Variants in FRYL observed in about 807,000 individuals in gnomAD.
FRYL encodes the protein FRY like transcription coactivator, also known as protein furry homolog-like.
FRYL carries 150 observed loss-of-function variants against 351.2 expected under a neutral mutation model. The ratio of observed to expected loss-of-function variants is 0.43; its 90% CI spans 0.37 to 0.49. The LOEUF is 0.49. Among genes scored for constraint, FRYL ranks in the 20% least tolerant of loss-of-function variants. The probability of loss-of-function intolerance (pLI) is 0.00; values close to 1 mark genes in which losing one functional copy is unlikely to be tolerated. For missense variants in FRYL, 3,036 were observed against 3,619.3 expected (o/e 0.84, Z 4.13); for synonymous variants, 1,153 against 1,257.1 (o/e 0.92, Z 1.75).
intron 5 of FRYL, among the ~76,000 whole-genome samples, chr4:48,622,680 T>C (rs567666489): frequency 1.3e-5 from 2 of 152,304 alleles, no homozygotes; most frequent in East Asian, 1.9e-4. Flanking sequence ...TAAATACTTA[T>C]AACAAAATTG....
Position 48,527,869 on chromosome 4 carries a change from G to A in FRYL, c.7140+102C>T, listed in dbSNP as rs944596292. The A allele has an allele frequency of 3.5e-5, 37 of 1,051,064 alleles. No homozygotes were observed. The Admixed American group carries it at 3.7e-4, about 10-fold the overall frequency. The allele number at this position is 1,051,064 out of a possible 1,614,324, so 65.1% of individuals were successfully genotyped here. ...CTTTTTTTCATTCTGAGTTAATACC[G>A]TAAGTAAGGTAAATTAGAAAAGGCA... On this transcript the variant is annotated intron_variant, in intron 52 of 63. Transcript: ENST00000358350.
At chr4:48,779,302 G>A (rs1776371340) in intron 1 of FRYL, among the ~76,000 whole-genome samples, 1 of 152,204 alleles carries the variant, frequency 6.6e-6, no homozygotes, top group Admixed American at 6.5e-5. Context: ...AGAGCAGCAG[G>A]CAATCTACAG....
intron 4 of FRYL, among the ~76,000 whole-genome samples, chr4:48,624,731 G>A (rs1751420161): frequency 2.0e-5 from 3 of 152,184 alleles, no homozygotes; most frequent in African/African-American, 7.2e-5. Flanking sequence ...ACATTATTCT[G>A]GATGTGTCTG....
intron 1 of FRYL, among the ~76,000 whole-genome samples, chr4:48,723,140 T>G (rs1267450277): frequency 1.3e-5 from 2 of 152,092 alleles, no homozygotes; most frequent in Non-Finnish European, 2.9e-5. Flanking sequence ...GGTTTTTTTT[T>G]GTTTGTTTTG....
At chr4:48,522,880 T>A (rs766079899) in intron 54 of FRYL, 21 bp downstream of exon 54, 45 of 1,587,958 alleles carry the variant, frequency 2.8e-5, no homozygotes, top group Non-Finnish European at 3.7e-5. Context: ...AATGTCACTG[T>A]AAGAAAAGTG....
In FRYL at chr4:48,540,057, T is replaced by C; in HGVS notation, c.6307A>G (p.Asn2103Asp). 1 of 1,612,150 alleles carries C rather than the reference T, an allele frequency of 6.2e-7. No homozygotes were observed. Among genetic ancestry groups the C allele is most frequent in the Non-Finnish European group, 8.5e-7 (1 of 1,179,126 alleles). Residue 2103 changes from asparagine to aspartate, a missense_variant, in exon 47 of 64, where the codon AAC becomes GAC. Around this residue, in one of 7 missense-constraint regions of FRYL, gnomAD observed 1,987 missense variants for 2,311.7 expected, o/e 0.86. Transcript: ENST00000358350. Reference sequence around the variant, plus strand: ...AAGTGAGGCAATAAGCAAAGGATGTTAAGAGGAAAGCCTATCAAAACAAAA... The same window carrying C: ...AAGTGAGGCAATAAGCAAAGGATGTCAAGAGGAAAGCCTATCAAAACAAAA... ...DPSQLSGFPL[N>D]ILCLLPHLIQ... is the part of the protein sequence containing the mutation.
rs539709310 is a variant in FRYL at position 48,667,738 on chromosome 4, C to T, written c.-81+16935G>A. ...TCTCAGTTCACTGTAACCTCCGCCT[C>T]CCAGGTTCAAGCAATTCTCTTGCCT... On this transcript the variant is annotated intron_variant, in intron 3 of 63. Transcript: ENST00000358350. 5.3e-5 allele frequency among the ~76,000 whole-genome samples: 8 copies of T among 152,240 alleles called. No individual in the cohort carries two copies. In the South Asian group the frequency reaches 1.7e-3, roughly 32 times the overall value.
At chr4:48,758,852 C>T (rs1210139628) in intron 1 of FRYL, among the ~76,000 whole-genome samples, 1 of 152,240 alleles carries the variant, frequency 6.6e-6, no homozygotes, top group African/African-American at 2.4e-5. Flanking sequence ...CAATGATAGA[C>T]TGGATTAAGA....
chr4:48,762,645 G>C (rs1222291215), intron 1 of FRYL, among the ~76,000 whole-genome samples: 1 of 152,110 alleles, frequency 6.6e-6, no homozygotes, highest in Non-Finnish European at 1.5e-5. Context: ...CCTGCTCTGA[G>C]AATCTGATGA....
chr4:48,751,025 C>T (rs1355700211), intron 1 of FRYL, among the ~76,000 whole-genome samples: 2 of 151,954 alleles, frequency 1.3e-5, no homozygotes, highest in African/African-American at 4.8e-5. Context: ...CTGAGGGGCA[C>T]GTGAAACATA....
intron 3 of FRYL, among the ~76,000 whole-genome samples, chr4:48,681,685 CA>C (rs1249845889): frequency 6.6e-6 from 1 of 151,692 alleles, no homozygotes; most frequent in Non-Finnish European, 1.5e-5. Context: ...TTTTAAACAC[CA>C]AAAAAACTCC....
chr4:48,540,092 CAAT>C (rs781433274), intron 46 of FRYL, 24 bp from the exon 47 acceptor site: 16 of 1,544,154 alleles, frequency 1.0e-5, no homozygotes, highest in Admixed American at 3.5e-5. Flanking sequence ...AAAAAGCAAA[CAAT>C]AACCAATTTT....
intron 55 of FRYL, among the ~76,000 whole-genome samples, chr4:48,517,497 A>G (rs1374205211): frequency 2.0e-5 from 3 of 152,188 alleles, no homozygotes; most frequent in Non-Finnish European, 4.4e-5. Context: ...AGATTATGAG[A>G]ATCAAATTTT....
intron 63 of FRYL, 25 bp from the exon 64 acceptor site, chr4:48,499,705 G>A: frequency 1.9e-6 from 3 of 1,607,440 alleles, no homozygotes; most frequent in Non-Finnish European, 2.6e-6. Flanking sequence ...TAGTTTTTCA[G>A]TTCTGAGACT....
chr4:48,665,558 G>A (rs1169047200), intron 3 of FRYL, among the ~76,000 whole-genome samples: 1 of 151,994 alleles, frequency 6.6e-6, no homozygotes, highest in Non-Finnish European at 1.5e-5. Flanking sequence ...TTATTGTCTT[G>A]AAGCTGGAAT....
At chr4:48,533,008 C>T (rs1366980701) in intron 49 of FRYL, among the ~76,000 whole-genome samples, 13 of 152,242 alleles carry the variant, frequency 8.5e-5, no homozygotes, top group Non-Finnish European at 1.8e-4. Flanking sequence ...TTTCCAGCTT[C>T]TCTTAAAGTG....
At chr4:48,562,432 G>A (rs1735731512) in intron 32 of FRYL, among the ~76,000 whole-genome samples, 1 of 152,152 alleles carries the variant, frequency 6.6e-6, no homozygotes, top group Non-Finnish European at 1.5e-5. Flanking sequence ...AATTAGTTAA[G>A]TATTGCATAC....
chr4:48,696,845 G>GATCTATCTATCT (rs71660456), intron 2 of FRYL, among the ~76,000 whole-genome samples: 51 of 144,632 alleles, frequency 3.5e-4, no homozygotes, highest in South Asian at 4.5e-4. Flanking sequence ...AACGATAAGA[G>GATCTATCTATCT]ATCTATCTAT....
chr4:48,638,126 C>T (rs1311587283), intron 3 of FRYL: 2 of 151,850 alleles, frequency 1.3e-5, no homozygotes, highest in African/African-American at 4.8e-5. Context: ...TCCTCACCCC[C>T]AGAGGTCTTT....
Sources: allele counts gnomAD v4.1 joint callset (sites outside exome capture counted in the v4.1 genomes callset), GRCh38; gene constraint gnomAD v4.1.1; regional missense constraint gnomAD v4.1.1; transcripts MANE v1.5; gene names NCBI Gene and HGNC (gene_info 2026-07-23, HGNC 2026-07-21).